Variants in EPS15 observed in about 807,000 individuals in gnomAD.
EPS15 encodes the protein epidermal growth factor receptor substrate 15.
In EPS15, 72 loss-of-function variants were observed where a neutral mutation model predicts 113.8. The observed-to-expected ratio is 0.63, with a 90% confidence interval of 0.52 to 0.77. The LOEUF is 0.77. Among genes scored for constraint, EPS15 ranks in the 30% least tolerant of loss-of-function variants. The probability of loss-of-function intolerance (pLI) is 0.00; values close to 1 mark genes in which losing one functional copy is unlikely to be tolerated. For missense variants in EPS15, 1,048 were observed against 1,045.8 expected (o/e 1.00, Z -0.03); for synonymous variants, 344 against 363.4 (o/e 0.95, Z 0.61).
At chr1:51,449,238 C>T (rs1297340529) in intron 8 of EPS15, among the ~76,000 whole-genome samples, 1 of 152,128 alleles carries the variant, frequency 6.6e-6, no homozygotes, top group African/African-American at 2.4e-5. Context: ...TACATATACA[C>T]CATGGAATAC....
intron 21 of EPS15, among the ~76,000 whole-genome samples, chr1:51,386,116 T>C (rs1045078297): frequency 6.6e-6 from 1 of 152,244 alleles, no homozygotes; most frequent in Non-Finnish European, 1.5e-5. Context: ...TAGACTCCCA[T>C]TACATGTTCT....
chr1:51,519,148 G>C (rs1293111882), intron 1 of EPS15, 51 bp downstream of exon 1: 1 of 1,336,998 alleles, frequency 7.5e-7, no homozygotes, highest in Non-Finnish European at 1.0e-6. Flanking sequence ...GAGGGCGGTG[G>C]GGGAGGGGGC....
At chr1:51,442,074 T>C (rs1478577439) in intron 11 of EPS15, among the ~76,000 whole-genome samples, 2 of 152,160 alleles carry the variant, frequency 1.3e-5, no homozygotes, top group African/African-American at 2.4e-5. Context: ...CAGCTTTGTA[T>C]GAAATATACC....
chr1:51,371,523 GAAA>G (rs56992324), intron 21 of EPS15, among the ~76,000 whole-genome samples: 1 of 144,908 alleles, frequency 6.9e-6, no homozygotes, highest in Non-Finnish European at 1.5e-5. Flanking sequence ...AAAAAAAAAA[GAAA>G]AAAAAAATTT....
intron 1 of EPS15, among the ~76,000 whole-genome samples, chr1:51,483,991 G>A (rs1644072765): frequency 6.6e-6 from 1 of 152,046 alleles, no homozygotes; most frequent in South Asian, 2.1e-4. Flanking sequence ...TGCATCTATA[G>A]TGTCAGCTAC....
intron 20 of EPS15, among the ~76,000 whole-genome samples, chr1:51,397,550 A>G (rs1648078516): frequency 6.6e-6 from 1 of 152,194 alleles, no homozygotes; most frequent in African/African-American, 2.4e-5. Context: ...AGTAGCAGCA[A>G]TTTTAGAAGA....
chr1:51,508,252 G>A (rs57164077), intron 1 of EPS15, among the ~76,000 whole-genome samples: 19 of 100,314 alleles, frequency 1.9e-4, no homozygotes, highest in East Asian at 6.2e-4. Flanking sequence ...GAGAGAAAGA[G>A]AGAGAGAGAG....
At chr1:51,376,960 T>A (rs1370667748) in intron 21 of EPS15, among the ~76,000 whole-genome samples, 1 of 151,956 alleles carries the variant, frequency 6.6e-6, no homozygotes, top group East Asian at 1.9e-4. Context: ...CCATTCTAGA[T>A]GCTATTAAGA....
At chr1:51,458,723 T>G in intron 8 of EPS15, 2 of 226,550 alleles carry the variant, frequency 8.8e-6, no homozygotes, top group South Asian at 3.8e-5. Flanking sequence ...AGTGACAGAG[T>G]GAGACTCCGT....
chr1:51,508,348 G>GA (rs572765947), intron 1 of EPS15, among the ~76,000 whole-genome samples: 1 of 140,598 alleles, frequency 7.1e-6, no homozygotes, highest in Non-Finnish European at 1.6e-5. Flanking sequence ...GAGAAAGAAA[G>GA]AAAGAAAGAA....
intron 1 of EPS15, among the ~76,000 whole-genome samples, chr1:51,515,903 T>C (rs1252802045): frequency 6.6e-6 from 1 of 152,226 alleles, no homozygotes; most frequent in Non-Finnish European, 1.5e-5. Context: ...AGATTCTAAG[T>C]GTAGTAAAAT....
intron 12 of EPS15, among the ~76,000 whole-genome samples, chr1:51,435,440 C>T (rs960366410): frequency 6.6e-6 from 1 of 152,166 alleles, no homozygotes; most frequent in Admixed American, 6.5e-5. Flanking sequence ...GTGATCCACA[C>T]GCTGCAGCCT....
chr1:51,508,262 G>GAA (rs1557536631), intron 1 of EPS15, among the ~76,000 whole-genome samples: 32 of 133,878 alleles, frequency 2.4e-4, no homozygotes, highest in African/African-American at 9.5e-4. Flanking sequence ...GAGAGAGAGA[G>GAA]AGAGAGAGAG....
intron 1 of EPS15, among the ~76,000 whole-genome samples, chr1:51,483,856 C>T (rs1644069279): frequency 6.6e-6 from 1 of 151,034 alleles, no homozygotes; most frequent in Non-Finnish European, 1.5e-5. Context: ...CCTGTAATCC[C>T]AGGAGGGGAT....
chr1:51,361,420 T>G, intron 23 of EPS15, 65 bp from the exon 24 acceptor site: 10 of 1,226,088 alleles, frequency 8.2e-6, no homozygotes, highest in Non-Finnish European at 1.2e-5. Flanking sequence ...CACAAGAACA[T>G]GTACACAGAT....
rs1345800180 is a variant in EPS15 at position 51,370,864 on chromosome 1, C to T, written c.2120-4835G>A. Among the ~76,000 whole-genome samples the T allele has an allele frequency of 2.6e-5, 4 of 151,848 alleles. No individual in the cohort carries two copies. The South Asian group carries it at 8.3e-4, about 32-fold the overall frequency. On this transcript the variant is annotated intron_variant, in intron 21 of 24. Transcript: ENST00000371733. ...GAACTCCTGACCTCAGGTGATCCACCCACCTCAGCCTTCCAAAGTGCTGGG... is the reference window on the plus strand; with the variant it reads ...GAACTCCTGACCTCAGGTGATCCACTCACCTCAGCCTTCCAAAGTGCTGGG...
chr1:51,433,546 T>C (rs1369922261), intron 12 of EPS15, among the ~76,000 whole-genome samples: 1 of 152,210 alleles, frequency 6.6e-6, no homozygotes, highest in Non-Finnish European at 1.5e-5. Flanking sequence ...GAGAATCTAC[T>C]GGGAGAGAAG....
At chr1:51,390,732 C>T (rs1482151861) in intron 21 of EPS15, among the ~76,000 whole-genome samples, 3 of 152,086 alleles carry the variant, frequency 2.0e-5, no homozygotes, top group African/African-American at 4.8e-5. Context: ...CATCACTGGC[C>T]ATCAGAGAAA....
At position 51,360,759 on chromosome 1, in the gene EPS15, CACAA is replaced by C. The variant is rs539768246; in HGVS notation, c.2544+408_2544+411del. ...CTCCAGAAATCATTAAAACTTTATACACAAACACACATACACAGCTGCAAATACA... is the reference window on the plus strand; with the variant it reads ...CTCCAGAAATCATTAAAACTTTATACACACACATACACAGCTGCAAATACA... On this transcript the variant is annotated intron_variant, in intron 24 of 24. Coordinates refer to ENST00000371733, the MANE Select transcript of EPS15 (RefSeq NM_001981.3). 6.0e-4 allele frequency among the ~76,000 whole-genome samples: 91 copies of C among 152,238 alleles called. 1 individual carries two copies. The highest frequency in any genetic ancestry group is 2.0e-3 in the African/African-American group (83 of 41,530).
Sources: allele counts gnomAD v4.1 joint callset (sites outside exome capture counted in the v4.1 genomes callset), GRCh38; gene constraint gnomAD v4.1.1; transcripts MANE v1.5; gene names NCBI Gene and HGNC (gene_info 2026-07-23, HGNC 2026-07-21).